Variants in RFC3 observed in about 807,000 individuals in gnomAD.
RFC3 encodes A1 38 kDa subunit.
Under a neutral mutation model 45.1 loss-of-function variants are expected in RFC3, and 41 were observed. That is an observed-to-expected ratio of 0.91 (90% CI 0.71 to 1.18). The LOEUF (loss-of-function observed/expected upper bound fraction) is 1.18, where lower values mean the gene tolerates loss of function less well. Among genes scored for constraint, RFC3 ranks in the 50% most tolerant of loss-of-function variants. The pLI, the probability that RFC3 is intolerant of heterozygous loss-of-function variation, is 0.00. For synonymous variants in RFC3, 149 were observed against 144.0 expected, an observed-to-expected ratio of 1.03 and a Z score of -0.25; for missense variants, 423 against 428.1, an observed-to-expected ratio of 0.99 and a Z score of 0.10.
At chr13:33,826,813 T>C (rs964562719) in intron 4 of RFC3, among the ~76,000 whole-genome samples, 1 of 152,194 alleles carries the variant, frequency 6.6e-6, no homozygotes, top group African/African-American at 2.4e-5. Context: ...TTTATGGCTC[T>C]AAATACTTTT....
intron 8 of RFC3, among the ~76,000 whole-genome samples, chr13:33,894,976 ATCTC>A (rs1243598347): frequency 1.3e-5 from 2 of 152,170 alleles, no homozygotes; most frequent in African/African-American, 4.8e-5. Flanking sequence ...CTGGACACCT[ATCTC>A]TCATCGTATA....
chr13:33,821,298 G>A, intron 2 of RFC3, 29 bp downstream of exon 2: 1 of 1,609,090 alleles, frequency 6.2e-7, no homozygotes, highest in African/African-American at 1.3e-5. Context: ...GGCCCTGAAA[G>A]TAATTTATAG....
the RFC3 span, among the ~76,000 whole-genome samples, chr13:33,973,882 A>G: frequency 6.6e-6 from 1 of 151,986 alleles, no homozygotes; most frequent in Non-Finnish European, 1.5e-5. Flanking sequence ...AACTCCTGAC[A>G]TCAGGTGACC....
intron 8 of RFC3, among the ~76,000 whole-genome samples, chr13:33,940,123 G>A (rs1432788028): frequency 1.3e-5 from 2 of 151,882 alleles, no homozygotes; most frequent in African/African-American, 4.8e-5. Context: ...TTATTATGGG[G>A]GAGAGTTAAT....
chr13:33,847,736 A>C (rs552151527), intron 8 of RFC3: 1 of 152,154 alleles, frequency 6.6e-6, no homozygotes, highest in African/African-American at 2.4e-5. Context: ...TATAACTTCA[A>C]AAATACAGTT....
chr13:33,962,234 G>A (rs1018034156), intron 8 of RFC3, among the ~76,000 whole-genome samples: 11 of 152,136 alleles, frequency 7.2e-5, no homozygotes, highest in Non-Finnish European at 1.5e-4. Context: ...TATGAGGGGG[G>A]ATATGTAAAG....
At chr13:33,972,799 G>A in the RFC3 span, among the ~76,000 whole-genome samples, 3 of 152,150 alleles carry the variant, frequency 2.0e-5, no homozygotes, top group African/African-American at 7.2e-5. Context: ...CTATCACAGA[G>A]TATTAGATGC....
At chr13:33,900,935 A>G (rs1349301972) in intron 8 of RFC3, among the ~76,000 whole-genome samples, 2 of 151,956 alleles carry the variant, frequency 1.3e-5, no homozygotes, top group Non-Finnish European at 2.9e-5. Context: ...CAACAGGTAT[A>G]TGAAAAAATG....
intron 2 of RFC3, among the ~76,000 whole-genome samples, chr13:33,823,346 T>C (rs2082020631): frequency 6.6e-6 from 1 of 152,170 alleles, no homozygotes; most frequent in African/African-American, 2.4e-5. Flanking sequence ...TGTACAGAGA[T>C]ATTAATTGTG....
intron 8 of RFC3, among the ~76,000 whole-genome samples, chr13:33,949,849 AT>A (rs1423787727): frequency 8.5e-5 from 13 of 152,196 alleles, no homozygotes; most frequent in South Asian, 4.2e-4. Context: ...GTAAGAGAGA[AT>A]TTCTCTTACC....
chr13:33,863,217 A>G (rs1307462617), intron 8 of RFC3, among the ~76,000 whole-genome samples: 2 of 152,216 alleles, frequency 1.3e-5, no homozygotes, highest in African/African-American at 4.8e-5. Flanking sequence ...TGAAAACAAT[A>G]CATACATATA....
chr13:33,877,175 G>A lies in RFC3; in HGVS notation c.879+41958G>A, dbSNP rs75187770. On this transcript the variant is annotated intron_variant, in intron 8 of 8. Coordinates refer to the RFC3 transcript ENST00000434425. Reference sequence around the variant, plus strand: ...CATTTTTACCTGTGAGAAGGCTGAGGTTCAGAGAGGTTGAGTGACTTAGCC... The same window carrying A: ...CATTTTTACCTGTGAGAAGGCTGAGATTCAGAGAGGTTGAGTGACTTAGCC... Among the ~76,000 whole-genome samples, 868 of 152,320 alleles carry A rather than the reference G, an allele frequency of 5.7e-3. 6 individuals carry two copies. Among genetic ancestry groups the A allele is most frequent in the African/African-American group, 0.019 (797 of 41,568 alleles).
At position 33,859,502 on chromosome 13, in the gene RFC3, G is replaced by T. The variant is rs78102751; in HGVS notation, c.879+24285G>T. ...AGTGAAGAGAACAGTATATAAAAGTGACTATGTATAGAGATGACAAGTTTA... is the reference window on the plus strand; with the variant it reads ...AGTGAAGAGAACAGTATATAAAAGTTACTATGTATAGAGATGACAAGTTTA... On this transcript the variant is annotated intron_variant, in intron 8 of 8. Transcript: ENST00000434425. Among the ~76,000 whole-genome samples the T allele has an allele frequency of 1.1e-4, 17 of 152,260 alleles. No homozygotes were observed. The East Asian group carries it at 2.9e-3, about 26-fold the overall frequency.
intron 4 of RFC3, among the ~76,000 whole-genome samples, chr13:33,827,099 A>G (rs1433356198): frequency 6.6e-6 from 1 of 152,112 alleles, no homozygotes; most frequent in African/African-American, 2.4e-5. Context: ...TAGTTCATTA[A>G]TATCATAGGT....
rs771123471 is a variant in RFC3, at chr13:33,836,110, C to T, written c.886C>T (p.Leu296Phe). ...IPPEIIMKGL[L>F]SELLHNCDGQ... ...ACTGATTATTTTTGTTTAGGGCCTT[C>T]TCTCAGAACTGTTACATAATTGTGA... Residue 296 changes from leucine (L) to phenylalanine (F), a missense_variant, in exon 9 of 9, where the codon CTC becomes TTC. Transcript: ENST00000380071. The T allele has an allele frequency of 3.1e-6, 5 of 1,603,474 alleles. No homozygotes were observed. In the East Asian group the frequency reaches 6.7e-5, roughly 22 times the overall value.
downstream of RFC3, chr13:33,966,688 T>C (rs2083089655): frequency 6.5e-6 from 1 of 152,672 alleles, no homozygotes; most frequent in Non-Finnish European, 1.5e-5. Context: ...ATGGACTCAA[T>C]GAAAAATACT....
At chr13:33,820,350 G>T (rs1404700727) in intron 1 of RFC3, among the ~76,000 whole-genome samples, 1 of 152,222 alleles carries the variant, frequency 6.6e-6, no homozygotes, top group Admixed American at 6.5e-5. Flanking sequence ...GATTTGAAAT[G>T]CCTGGAATTA....
intron 8 of RFC3, among the ~76,000 whole-genome samples, chr13:33,905,073 C>G (rs67994148): frequency 0.12 from 17,882 of 151,832 alleles, 2,167 homozygotes; most frequent in African/African-American, 0.31. Context: ...AAATTGTTCT[C>G]TATCTTAAGC....
intron 8 of RFC3, among the ~76,000 whole-genome samples, chr13:33,901,248 T>G (rs2082639994): frequency 6.6e-6 from 1 of 152,058 alleles, no homozygotes. Flanking sequence ...TTCTCATGTT[T>G]ATTGCAACCC....
Sources: allele counts gnomAD v4.1 joint callset (sites outside exome capture counted in the v4.1 genomes callset), GRCh38; gene constraint gnomAD v4.1.1; transcripts MANE v1.5; gene names NCBI Gene and HGNC (gene_info 2026-07-23, HGNC 2026-07-21).